GPHN: variants seen among roughly 807,000 people sequenced by gnomAD.
GPHN encodes the protein gephyrin.
GPHN carries 17 observed loss-of-function variants against 95.5 expected under a neutral mutation model. That is an observed-to-expected ratio of 0.18 (90% CI 0.12 to 0.27). The LOEUF (loss-of-function observed/expected upper bound fraction) is 0.27. Ranked by LOEUF, GPHN falls within the 10% of genes least tolerant of loss-of-function variation. GPHN has a pLI of 1.00. For missense variants in GPHN, 660 were observed against 978.1 expected, an observed-to-expected ratio of 0.67 and a Z score of 4.34; for synonymous variants, 320 against 322.5, an observed-to-expected ratio of 0.99 and a Z score of 0.08.
chr14:67,571,894 T>C, the GPHN span: 20 of 1,609,156 alleles, frequency 1.2e-5, no homozygotes, highest in Non-Finnish European at 1.7e-5. Flanking sequence ...CCCCGGGCCA[T>C]CAAGAGAGGT....
chr14:66,626,505 A>G (rs2063533286), intron 1 of GPHN, among the ~76,000 whole-genome samples: 1 of 152,140 alleles, frequency 6.6e-6, no homozygotes, highest in South Asian at 2.1e-4. Context: ...TTTAGGTAAC[A>G]TGTTAGAAAG....
At chr14:67,182,095 GAA>G (rs1002272169), downstream of GPHN, among the ~76,000 whole-genome samples, 2 of 151,554 alleles carry the variant, frequency 1.3e-5, no homozygotes. Flanking sequence ...TAATGACTTA[GAA>G]AAAAAATAAT....
At chr14:67,232,772 C>T in the GPHN span, among the ~76,000 whole-genome samples, 10 of 152,130 alleles carry the variant, frequency 6.6e-5, no homozygotes, top group South Asian at 1.9e-3. Context: ...CATTTTTATG[C>T]GTGTTGCCAA....
chr14:66,649,534 A>G (rs2064936731), intron 1 of GPHN, among the ~76,000 whole-genome samples: 1 of 152,186 alleles, frequency 6.6e-6, no homozygotes, highest in Admixed American at 6.5e-5. Context: ...CAGAGGCAGC[A>G]TTAGATTCTT....
At chr14:66,963,450 T>C (rs552259764) in intron 8 of GPHN, among the ~76,000 whole-genome samples, 10 of 152,188 alleles carry the variant, frequency 6.6e-5, no homozygotes, top group Non-Finnish European at 1.0e-4. Context: ...CAGTGCATTC[T>C]CATATGGGAG....
At chr14:66,590,969 G>A (rs1043980490) in intron 1 of GPHN, among the ~76,000 whole-genome samples, 1 of 152,066 alleles carries the variant, frequency 6.6e-6, no homozygotes. Flanking sequence ...TAATCAAGTC[G>A]GCTTTATCTC....
At chr14:67,177,922 A>G (rs954558186) in intron 21 of GPHN, among the ~76,000 whole-genome samples, 23 of 152,024 alleles carry the variant, frequency 1.5e-4, no homozygotes, top group Admixed American at 5.2e-4. Context: ...TGCTTGTTAG[A>G]TCTTCCTCCA....
chr14:67,186,048 G>A (rs2083366562), downstream of GPHN, among the ~76,000 whole-genome samples: 2 of 152,176 alleles, frequency 1.3e-5, no homozygotes, highest in South Asian at 4.1e-4. Context: ...GAACCAAAAA[G>A]TTAAAGACTT....
At chr14:67,372,035 T>TG in the GPHN span, among the ~76,000 whole-genome samples, 1 of 151,988 alleles carries the variant, frequency 6.6e-6, no homozygotes, top group South Asian at 2.1e-4. Flanking sequence ...GAGGCCTAGG[T>TG]GGGGGGATCA....
chr14:66,606,349 A>G (rs1388375330), intron 1 of GPHN, among the ~76,000 whole-genome samples: 4 of 152,082 alleles, frequency 2.6e-5, no homozygotes, highest in East Asian at 3.9e-4. Context: ...CCATTGGTCT[A>G]TGTGTCTGTT....
intron 10 of GPHN, among the ~76,000 whole-genome samples, chr14:67,036,020 A>G (rs1477400720): frequency 6.6e-6 from 1 of 151,938 alleles, no homozygotes; most frequent in Non-Finnish European, 1.5e-5. Flanking sequence ...AAATTGGATT[A>G]TACACTTCAG....
Position 67,181,487 on chromosome 14 carries a change from A to G in GPHN, c.*550A>G, listed in dbSNP as rs1308331863. ...AAGAACCATCCCCTGCAGAGCATCC[A>G]GGGAGGTTTCTCGCCCCAATAGCCT... On this transcript the variant is annotated 3_prime_UTR_variant, in exon 23 of 23. Coordinates refer to ENST00000478722, the MANE Select transcript of GPHN (RefSeq NM_020806.5). The G allele has an allele frequency of 3.9e-6, 2 of 518,970 alleles. No individual in the cohort carries two copies. Among genetic ancestry groups the G allele is most frequent in the African/African-American group, 3.8e-5 (2 of 52,920 alleles). The allele number at this position is 518,970 out of a possible 1,614,324, so 32.1% of individuals were successfully genotyped here. A position where few individuals can be genotyped will look rare whatever the true frequency, so the allele number is the denominator to read the frequency against.
intron 2 of GPHN, among the ~76,000 whole-genome samples, chr14:66,705,519 A>G (rs1165402003): frequency 6.6e-6 from 1 of 152,214 alleles, no homozygotes; most frequent in Non-Finnish European, 1.5e-5. Flanking sequence ...ACATACCCAA[A>G]TCAATGAATG....
At chr14:66,772,989 C>T (rs2059238518) in intron 2 of GPHN, among the ~76,000 whole-genome samples, 1 of 151,750 alleles carries the variant, frequency 6.6e-6, no homozygotes, top group African/African-American at 2.4e-5. Context: ...CTTTTTTTTC[C>T]CCCTTCTTCC....
intron 8 of GPHN, among the ~76,000 whole-genome samples, chr14:66,961,900 G>GTGTGTGTATATATA (rs1177915817): frequency 1.9e-5 from 1 of 52,958 alleles, no homozygotes; most frequent in Non-Finnish European, 4.4e-5. Context: ...CCCTGAATGT[G>GTGTGTGTATATATA]TATATATATA....
At chr14:67,574,735 C>G in the GPHN span, among the ~76,000 whole-genome samples, 1 of 152,138 alleles carries the variant, frequency 6.6e-6, no homozygotes, top group African/African-American at 2.4e-5. The surrounding 1 kb of genome is among the most constrained non-coding windows in gnomAD (Gnocchi z 4.2). Context: ...AGGAAGAGGC[C>G]TGGGCGAGGT....
At chr14:67,578,011 G>T in the GPHN span, 1 of 1,611,536 alleles carries the variant, frequency 6.2e-7, no homozygotes, top group African/African-American at 1.3e-5. This position sits in a 1 kb window ranked among gnomAD's most constrained non-coding sequence, Gnocchi z 5.0. Flanking sequence ...GCTCACTGCT[G>T]TTCCCTCCCA....
chr14:67,644,997 T>TAAAA, the GPHN span, among the ~76,000 whole-genome samples: 1 of 132,432 alleles, frequency 7.6e-6, no homozygotes, highest in Non-Finnish European at 1.6e-5. Flanking sequence ...GACTCCGTCT[T>TAAAA]AAAAAAAAAA....
intron 9 of GPHN, chr14:66,996,343 A>G: frequency 1.5e-6 from 1 of 659,986 alleles, no homozygotes; most frequent in Non-Finnish European, 2.7e-6. Context: ...GAAAGGGATG[A>G]GGATACCAAA....
Sources: allele counts gnomAD v4.1 joint callset (sites outside exome capture counted in the v4.1 genomes callset), GRCh38; gene constraint gnomAD v4.1.1; non-coding constraint Gnocchi (gnomAD v3.1); transcripts MANE v1.5; gene names NCBI Gene and HGNC (gene_info 2026-07-23, HGNC 2026-07-21).